SLC25A26: variants seen among roughly 807,000 people sequenced by gnomAD.
SLC25A26 encodes the protein solute carrier family 25 member 26.
In SLC25A26, 36 loss-of-function variants were observed where a neutral mutation model predicts 37.8. The ratio of observed to expected loss-of-function variants is 0.95; its 90% CI spans 0.73 to 1.26. The LOEUF is 1.26. SLC25A26 is among the 50% of genes most tolerant of loss of function. The pLI, the probability that SLC25A26 is intolerant of heterozygous loss-of-function variation, is 0.00. For synonymous variants in SLC25A26, 129 were observed against 122.5 expected (o/e 1.05, Z -0.35); for missense variants, 390 against 331.1 (o/e 1.18, Z -1.38).
intron 5 of SLC25A26, among the ~76,000 whole-genome samples, chr3:66,332,074 G>A (rs901780655): frequency 2.0e-5 from 3 of 151,966 alleles, no homozygotes; most frequent in Non-Finnish European, 4.4e-5. Context: ...TGGGATTACA[G>A]GTGCGCGACA....
At chr3:66,221,656 T>C (rs1576650897) in intron 1 of SLC25A26, among the ~76,000 whole-genome samples, 1 of 151,994 alleles carries the variant, frequency 6.6e-6, no homozygotes, top group East Asian at 1.9e-4. Context: ...TGAGCACACA[T>C]AGCTCATCGG....
At chr3:66,166,674 G>A (rs1423594368) in intron 1 of SLC25A26, among the ~76,000 whole-genome samples, 4 of 152,178 alleles carry the variant, frequency 2.6e-5, no homozygotes, top group African/African-American at 7.2e-5. Context: ...TGTAGCTTTT[G>A]TCAGCTTAGC....
At chr3:66,216,685 T>C (rs2071366658), upstream of SLC25A26, among the ~76,000 whole-genome samples, 1 of 152,080 alleles carries the variant, frequency 6.6e-6, no homozygotes, top group Admixed American at 6.5e-5. Flanking sequence ...TTGCTAATTT[T>C]TATAAATACT....
intron 1 of SLC25A26, among the ~76,000 whole-genome samples, chr3:66,169,243 T>C (rs1356622205): frequency 6.6e-6 from 1 of 152,224 alleles, no homozygotes; most frequent in Non-Finnish European, 1.5e-5. Context: ...TAGTTATTAG[T>C]ACTTGCTCAA....
chr3:66,147,734 A>T (rs2070140596), intron 1 of SLC25A26, among the ~76,000 whole-genome samples: 1 of 152,068 alleles, frequency 6.6e-6, no homozygotes, highest in African/African-American at 2.4e-5. Flanking sequence ...TTTGCACCAC[A>T]TACACACTAA....
chr3:66,324,350 A>G (rs1260309402), intron 5 of SLC25A26, among the ~76,000 whole-genome samples: 1 of 152,050 alleles, frequency 6.6e-6, no homozygotes, highest in Non-Finnish European at 1.5e-5. Flanking sequence ...TTGCAAAACT[A>G]GTTGAGCCAG....
At chr3:66,243,104 A>T in intron 2 of SLC25A26, 99 bp from the exon 3 acceptor site, 1 of 642,510 alleles carries the variant, frequency 1.6e-6, no homozygotes, top group Non-Finnish European at 2.8e-6. Context: ...CTTATCTCAT[A>T]ATTTAATAAT....
chr3:66,220,223 A>G (rs1553657755), upstream of SLC25A26, among the ~76,000 whole-genome samples: 1 of 152,208 alleles, frequency 6.6e-6, no homozygotes, highest in Non-Finnish European at 1.5e-5. Flanking sequence ...TGAGGACACT[A>G]GTGTTGCTGA....
At chr3:66,298,421 G>A (rs2074972930) in intron 5 of SLC25A26, among the ~76,000 whole-genome samples, 1 of 152,088 alleles carries the variant, frequency 6.6e-6, no homozygotes, top group African/African-American at 2.4e-5. Context: ...TATTTTTAAT[G>A]GACAGAAAAG....
chr3:66,276,957 G>GAAA lies in SLC25A26; in HGVS notation c.453+13591_453+13593dup, dbSNP rs56071860. ...TGGAAGCTGCTTCCTGGCACTGTTTGAAAAAAAAAAAAAAAGGTTCAAATT... is the reference window on the plus strand; with the variant it reads ...TGGAAGCTGCTTCCTGGCACTGTTTGAAAAAAAAAAAAAAAAAAGGTTCAAATT... On this transcript the variant is annotated intron_variant, in intron 5 of 9. Transcript: ENST00000354883. 8.7e-4 allele frequency among the ~76,000 whole-genome samples: 108 copies of GAAA among 124,584 alleles called. No homozygotes were observed. The South Asian group carries it at 0.011, about 13-fold the overall frequency. The allele number at this position is 124,584 out of a possible 152,430, so 81.7% of individuals were successfully genotyped here.
chr3:66,242,190 T>C (rs534765888), intron 2 of SLC25A26, among the ~76,000 whole-genome samples: 97 of 152,314 alleles, frequency 6.4e-4, no homozygotes, highest in African/African-American at 2.2e-3. Context: ...CTCTCCCTTT[T>C]CTTGGGGGTT....
intron 5 of SLC25A26, among the ~76,000 whole-genome samples, chr3:66,271,880 T>C (rs2073972868): frequency 6.6e-6 from 1 of 152,162 alleles, no homozygotes; most frequent in South Asian, 2.1e-4. Flanking sequence ...TCGTTTTCTT[T>C]TTCTGCCACC....
chr3:66,220,222 T>C (rs548274569), upstream of SLC25A26, among the ~76,000 whole-genome samples: 1 of 152,306 alleles, frequency 6.6e-6, no homozygotes, highest in Admixed American at 6.5e-5. Flanking sequence ...ATGAGGACAC[T>C]AGTGTTGCTG....
At chr3:66,372,177 TTA>T (rs1255100292) in intron 9 of SLC25A26, among the ~76,000 whole-genome samples, 1 of 152,214 alleles carries the variant, frequency 6.6e-6, no homozygotes, top group African/African-American at 2.4e-5. Flanking sequence ...AGTGGCTTTT[TTA>T]GACTGTAAAA....
At chr3:66,332,607 T>G (rs1380967812) in intron 5 of SLC25A26, among the ~76,000 whole-genome samples, 1 of 152,166 alleles carries the variant, frequency 6.6e-6, no homozygotes, top group Non-Finnish European at 1.5e-5. Context: ...AGATGAGGTC[T>G]CACTGTGTTT....
At chr3:66,263,295 C>CA (rs1559630380) in intron 4 of SLC25A26, 37 bp from the exon 5 acceptor site, 1 of 1,542,676 alleles carries the variant, frequency 6.5e-7, no homozygotes, top group Non-Finnish European at 8.9e-7. Flanking sequence ...AAATCTCTGC[C>CA]ATTCTTTCTG....
Position 66,263,021 on chromosome 3 carries a change from A to G in SLC25A26, c.406-311A>G, listed in dbSNP as rs141910521. On this transcript the variant is annotated intron_variant, in intron 4 of 9. Transcript: ENST00000354883. Reference sequence around the variant, plus strand: ...ACATGTTAGAGCAATTAAGTACTATATAATTAATATTTAGTAGAATAACAG... The same window carrying G: ...ACATGTTAGAGCAATTAAGTACTATGTAATTAATATTTAGTAGAATAACAG... Among the ~76,000 whole-genome samples, 43 of 152,350 alleles carry G rather than the reference A, an allele frequency of 2.8e-4. No homozygotes were observed. In the East Asian group the frequency reaches 8.3e-3, roughly 29 times the overall value.
chr3:66,180,398 C>T (rs188972076), intron 1 of SLC25A26, among the ~76,000 whole-genome samples: 4 of 152,268 alleles, frequency 2.6e-5, no homozygotes, highest in East Asian at 1.9e-4. Context: ...GGGAACATGC[C>T]GCAGAGCAAC....
At chr3:66,270,991 G>A (rs2073937499) in intron 5 of SLC25A26, among the ~76,000 whole-genome samples, 1 of 152,120 alleles carries the variant, frequency 6.6e-6, no homozygotes, top group Admixed American at 6.6e-5. Flanking sequence ...GTCCTGAAGG[G>A]GCACCAGTTC....
Sources: allele counts gnomAD v4.1 joint callset (sites outside exome capture counted in the v4.1 genomes callset), GRCh38; gene constraint gnomAD v4.1.1; transcripts MANE v1.5; gene names NCBI Gene and HGNC (gene_info 2026-07-23, HGNC 2026-07-21).